The following MCF2L2 variants were observed in gnomAD, a reference collection of about 807,000 sequenced individuals.
MCF2L2 encodes the protein probable guanine nucleotide exchange factor MCF2L2.
Under a neutral mutation model 150.2 loss-of-function variants are expected in MCF2L2, and 102 were observed. The ratio of observed to expected loss-of-function variants is 0.68; its 90% CI spans 0.58 to 0.80. The LOEUF is 0.80. MCF2L2 is among the 30% of genes least tolerant of loss of function. The probability of loss-of-function intolerance (pLI) is 0.00; values close to 1 mark genes in which losing one functional copy is unlikely to be tolerated. For missense variants in MCF2L2, 1,256 were observed against 1,372.8 expected (o/e 0.91, Z 1.34); for synonymous variants, 465 against 491.3 (o/e 0.95, Z 0.71).
chr3:183,364,923 C>A (rs1712437949), intron 3 of MCF2L2, among the ~76,000 whole-genome samples: 1 of 152,144 alleles, frequency 6.6e-6, no homozygotes, highest in Non-Finnish European at 1.5e-5. Flanking sequence ...TCTACAAAAT[C>A]AATGACCACA....
intron 25 of MCF2L2, among the ~76,000 whole-genome samples, chr3:183,200,889 C>T (rs1722255621): frequency 6.6e-6 from 1 of 152,046 alleles, no homozygotes; most frequent in Non-Finnish European, 1.5e-5. Flanking sequence ...GAATCCTTTC[C>T]CTATTTCTTG....
chr3:183,418,967 T>G (rs1003241523), intron 1 of MCF2L2, among the ~76,000 whole-genome samples: 3 of 152,236 alleles, frequency 2.0e-5, no homozygotes, highest in African/African-American at 7.2e-5. Flanking sequence ...TCCTCCACAC[T>G]GCCCTAGCAG....
At position 183,267,593 on chromosome 3, in the gene MCF2L2, G is replaced by A. The variant is rs1726279730; in HGVS notation, c.1862+9279C>T. On this transcript the variant is annotated intron_variant, in intron 15 of 29. Coordinates refer to ENST00000328913, the MANE Select transcript of MCF2L2 (RefSeq NM_015078.4). The surrounding 1 kb of genome is among the most constrained non-coding windows in gnomAD (Gnocchi z 5.5). ...GGGCCTTTGCCCTGGGGCTTGCTAT[G>A]TGGCTCAGCCTACACGGCTCTCTCC... is the stretch of plus-strand genomic sequence containing the variant. Among the ~76,000 whole-genome samples the A allele has an allele frequency of 6.6e-6, 1 of 152,108 alleles. No homozygotes were observed. Among genetic ancestry groups the A allele is most frequent in the Admixed American group, 6.5e-5 (1 of 15,282 alleles).
chr3:183,340,209 C>T (rs1049599126), intron 4 of MCF2L2, among the ~76,000 whole-genome samples: 1 of 152,206 alleles, frequency 6.6e-6, no homozygotes, highest in African/African-American at 2.4e-5. Context: ...TTAGCTGAGA[C>T]ATAATTTGTG....
In MCF2L2 at chr3:183,415,216, G is replaced by A. The variant is rs549677607; in HGVS notation, c.76+12686C>T. Among the ~76,000 whole-genome samples, 31 of 150,784 alleles carry A rather than the reference G, an allele frequency of 2.1e-4. No individual in the cohort carries two copies. The East Asian group carries it at 2.7e-3, about 13-fold the overall frequency. On this transcript the variant is annotated intron_variant, in intron 1 of 29. Transcript: ENST00000328913. ...TTTTTTTTTTTTGAGACGGAGTCTCGTTCTGTTGCCCAGGCTGGAGTGCAG... is the reference window on the plus strand; with the variant it reads ...TTTTTTTTTTTTGAGACGGAGTCTCATTCTGTTGCCCAGGCTGGAGTGCAG...
chr3:183,389,850 A>C, intron 1 of MCF2L2, 71 bp from the exon 2 acceptor site: 2 of 1,269,090 alleles, frequency 1.6e-6, no homozygotes, highest in Non-Finnish European at 2.3e-6. Flanking sequence ...AAAAGAAACA[A>C]AGGCAAGTTG....
Position 183,179,421 on chromosome 3 carries a change from C to T in MCF2L2, c.3304G>A (p.Ala1102Thr). Residue 1102 changes from alanine (A) to threonine (T), a missense_variant, in exon 30 of 30, where the codon GCG (alanine) becomes ACG (threonine). By Grantham distance (58) the Ala-to-Thr change is moderately conservative (BLOSUM62 0). Transcript: ENST00000328913. This position sits in a 1 kb window ranked among gnomAD's most constrained non-coding sequence, Gnocchi z 4.2. Reference sequence around the variant, plus strand: ...GAGGTCCTCGGGCGCAGCGCCCTCGCCTGGAAACCAGCCGTCGCCCCCGCA... The same window carrying T: ...GAGGTCCTCGGGCGCAGCGCCCTCGTCTGGAAACCAGCCGTCGCCCCCGCA... ...APAGATAGFQARALRPRTSAQ... is the reference protein window; with the variant it reads ...APAGATAGFQTRALRPRTSAQ... The T allele has an allele frequency of 1.3e-6, 2 of 1,571,650 alleles. No homozygotes were observed. Among genetic ancestry groups the T allele is most frequent in the Non-Finnish European group, 1.7e-6 (2 of 1,157,754 alleles).
intron 13 of MCF2L2, among the ~76,000 whole-genome samples, chr3:183,290,539 TTC>T (rs1157147388): frequency 1.3e-5 from 2 of 150,764 alleles, no homozygotes; most frequent in African/African-American, 5.0e-5. Context: ...CTTTCTTTCT[TTC>T]TTTTTTTTTT....
At chr3:183,272,234 G>T in intron 15 of MCF2L2, 1 of 1,000,178 alleles carries the variant, frequency 1.0e-6, no homozygotes. Flanking sequence ...GGATAAAAAT[G>T]TGGCTATAAT....
At position 183,296,930 on chromosome 3, in the gene MCF2L2, C is replaced by G. The variant is rs566292420; in HGVS notation, c.1497+46G>C. The stretch of plus-strand genomic sequence containing the variant: ...GAAGAAGGTACAGTCCCTCCCTCCC[C>G]TATCCGTTTCCCAACCACAGGATCA... On this transcript the variant is annotated intron_variant, in intron 12 of 29. Coordinates refer to ENST00000328913, the MANE Select transcript of MCF2L2 (RefSeq NM_015078.4). The G allele has an allele frequency of 1.3e-5, 21 of 1,577,662 alleles. No homozygotes were observed. In the East Asian group the frequency reaches 4.3e-4, roughly 32 times the overall value.
chr3:183,197,681 A>T lies in MCF2L2; in HGVS notation c.2885-2426T>A, dbSNP rs976375159. 6.6e-6 allele frequency among the ~76,000 whole-genome samples: 1 copy of T among 152,212 alleles called. No homozygotes were observed. The highest frequency in any genetic ancestry group is 1.5e-5 in the Non-Finnish European group (1 of 68,032). On this transcript the variant is annotated intron_variant, in intron 25 of 29. Coordinates refer to ENST00000328913, the MANE Select transcript of MCF2L2 (RefSeq NM_015078.4). This position sits in a 1 kb window ranked among gnomAD's most constrained non-coding sequence, Gnocchi z 4.5. ...TTAAGAGAAAAAGATGCCACACACT[A>T]GAAGAAAATATTTACAAAGCATTAA...
intron 6 of MCF2L2, among the ~76,000 whole-genome samples, chr3:183,321,047 C>T (rs1729789574): frequency 6.6e-6 from 1 of 152,142 alleles, no homozygotes; most frequent in South Asian, 2.1e-4. Context: ...CAACATATAT[C>T]CATTAAGTTC....
intron 4 of MCF2L2, among the ~76,000 whole-genome samples, chr3:183,340,239 A>G (rs1730643957): frequency 6.6e-6 from 1 of 152,152 alleles, no homozygotes; most frequent in Admixed American, 6.5e-5. Context: ...GAGGCTCTAG[A>G]GCGATCTGAG....
At chr3:183,301,604 C>T (rs1728851015) in intron 10 of MCF2L2, among the ~76,000 whole-genome samples, 1 of 151,924 alleles carries the variant, frequency 6.6e-6, no homozygotes, top group Non-Finnish European at 1.5e-5. Context: ...AGACCAGCCT[C>T]GGCAACACAG....
At chr3:183,363,019 C>G (rs1004541551) in intron 3 of MCF2L2, among the ~76,000 whole-genome samples, 1 of 152,116 alleles carries the variant, frequency 6.6e-6, no homozygotes, top group Non-Finnish European at 1.5e-5. Flanking sequence ...AGAAGATTTA[C>G]AGATGACAAA....
intron 6 of MCF2L2, among the ~76,000 whole-genome samples, chr3:183,321,809 T>C (rs566772096): frequency 2.6e-5 from 4 of 152,380 alleles, no homozygotes. Flanking sequence ...CATGGCTACA[T>C]ACTAGGCCAG....
chr3:183,348,602 C>T (rs750454750), intron 3 of MCF2L2, among the ~76,000 whole-genome samples: 2 of 151,638 alleles, frequency 1.3e-5, no homozygotes, highest in Non-Finnish European at 2.9e-5. Context: ...CAAGTAGAGA[C>T]GGAGTAAATA....
Position 183,341,683 on chromosome 3 carries a change from TG to T in MCF2L2, c.276-54del, listed in dbSNP as rs551850861. Reference sequence around the variant, plus strand: ...GATTAGGTGAGACCCATATGCTCCATGTGGCTCCCACAGCAGAATACACCCT... The same window carrying T: ...GATTAGGTGAGACCCATATGCTCCATTGGCTCCCACAGCAGAATACACCCT... On this transcript the variant is annotated intron_variant, in intron 3 of 29. Coordinates refer to ENST00000328913, the MANE Select transcript of MCF2L2 (RefSeq NM_015078.4). 2.5e-4 allele frequency: 322 copies of T among 1,265,174 alleles called. 1 individual carries two copies. The African/African-American group carries it at 2.7e-3, about 11-fold the overall frequency. The allele number at this position is 1,265,174 out of a possible 1,614,324, so 78.4% of individuals were successfully genotyped here. A position where few individuals can be genotyped will look rare whatever the true frequency, so the allele number is the denominator to read the frequency against.
intron 6 of MCF2L2, among the ~76,000 whole-genome samples, chr3:183,320,308 G>T (rs770614327): frequency 5.3e-5 from 8 of 151,958 alleles, no homozygotes; most frequent in Non-Finnish European, 7.4e-5. Context: ...TGTCCAGGCT[G>T]GTCTTGAACT....
Sources: gnomAD v4.1 joint callset for allele counts (sites outside exome capture counted in the v4.1 genomes callset) on GRCh38, gnomAD v4.1.1 for gene constraint, Gnocchi (gnomAD v3.1) non-coding constraint, MANE v1.5 for transcripts, NCBI Gene and HGNC (gene_info 2026-07-23, HGNC 2026-07-21) for gene names.